CDK14: variants seen among roughly 807,000 people sequenced by gnomAD.
CDK14 encodes the protein cyclin dependent kinase 14.
In CDK14, 34 loss-of-function variants were observed where a neutral mutation model predicts 60.7. The observed-to-expected ratio is 0.56, with a 90% CI of 0.43 to 0.75. The LOEUF is 0.75. Ranked by LOEUF, CDK14 falls within the 30% of genes least tolerant of loss-of-function variation. The probability of loss-of-function intolerance (pLI) is 0.00; values close to 1 mark genes in which losing one functional copy is unlikely to be tolerated. For synonymous variants in CDK14, 197 were observed against 203.7 expected (o/e 0.97, Z 0.28); for missense variants, 482 against 564.1 (o/e 0.85, Z 1.47).
chr7:90,858,635 T>C (rs569847902), intron 5 of CDK14, among the ~76,000 whole-genome samples: 1 of 152,294 alleles, frequency 6.6e-6, no homozygotes, highest in South Asian at 2.1e-4. Context: ...ATTCATTTGA[T>C]CTGAAAAGTT....
intron 5 of CDK14, among the ~76,000 whole-genome samples, chr7:90,823,084 A>G (rs534804288): frequency 1.1e-3 from 174 of 152,306 alleles, no homozygotes; most frequent in African/African-American, 3.9e-3. Context: ...AAATAGAGGA[A>G]TCATAAAGTT....
chr7:91,101,001 G>A (rs573573077), intron 12 of CDK14, among the ~76,000 whole-genome samples: 5 of 150,950 alleles, frequency 3.3e-5, no homozygotes, highest in Admixed American at 6.6e-5. Context: ...GTGTAGATTC[G>A]TATGATTATT....
chr7:91,110,529 G>C (rs1013409462), intron 12 of CDK14, among the ~76,000 whole-genome samples: 3 of 152,114 alleles, frequency 2.0e-5, no homozygotes, highest in Admixed American at 2.0e-4. Context: ...AGAAAACCAA[G>C]ATCAAAAATA....
chr7:91,070,413 G>A (rs1458737363), intron 11 of CDK14, among the ~76,000 whole-genome samples: 4 of 152,168 alleles, frequency 2.6e-5, no homozygotes, highest in Non-Finnish European at 5.9e-5. Flanking sequence ...AGCATGAGAA[G>A]AATCCTTAGC....
At chr7:90,809,467 A>T (rs557952234) in intron 5 of CDK14, among the ~76,000 whole-genome samples, 2 of 152,152 alleles carry the variant, frequency 1.3e-5, no homozygotes, top group Admixed American at 6.5e-5. Flanking sequence ...GACACATTCA[A>T]AGCAGTGTGT....
chr7:90,923,311 G>A (rs187167846), intron 8 of CDK14, among the ~76,000 whole-genome samples: 69 of 151,996 alleles, frequency 4.5e-4, no homozygotes, highest in African/African-American at 1.4e-3. Flanking sequence ...GGGTTTCACC[G>A]TGTTAGCCAG....
intron 4 of CDK14, among the ~76,000 whole-genome samples, chr7:90,768,175 G>A (rs1804643007): frequency 6.6e-6 from 1 of 152,214 alleles, no homozygotes; most frequent in Non-Finnish European, 1.5e-5. Flanking sequence ...GAGAACCACT[G>A]TATTTAAGGT....
intron 8 of CDK14, among the ~76,000 whole-genome samples, chr7:90,946,777 GAAAACAA>G (rs922169538): frequency 2.4e-4 from 37 of 152,062 alleles, no homozygotes; most frequent in East Asian, 9.6e-4. Context: ...TGAGGTTTCT[GAAAACAA>G]AAAACAAAAA....
At chr7:90,919,561 C>T (rs1181645495) in intron 8 of CDK14, among the ~76,000 whole-genome samples, 3 of 152,026 alleles carry the variant, frequency 2.0e-5, no homozygotes, top group Admixed American at 6.6e-5. Flanking sequence ...ACATTTTTCT[C>T]GTTTGTTTTC....
chr7:90,645,192 AG>A (rs1349983719), intron 2 of CDK14, among the ~76,000 whole-genome samples: 6 of 152,194 alleles, frequency 3.9e-5, no homozygotes, highest in African/African-American at 9.6e-5. Context: ...ACATTATTGT[AG>A]TTGGAAGGTT....
At chr7:90,951,706 CT>C (rs1382472701) in intron 8 of CDK14, among the ~76,000 whole-genome samples, 1 of 152,176 alleles carries the variant, frequency 6.6e-6, no homozygotes, top group Non-Finnish European at 1.5e-5. Context: ...CTGTGTACAG[CT>C]AAAAGAAAAG....
At chr7:90,889,796 G>A (rs1792058304) in intron 6 of CDK14, among the ~76,000 whole-genome samples, 1 of 152,120 alleles carries the variant, frequency 6.6e-6, no homozygotes, top group Admixed American at 6.6e-5. Flanking sequence ...CAGGAACAGT[G>A]GAATACTTGA....
intron 10 of CDK14, among the ~76,000 whole-genome samples, chr7:91,007,876 T>G (rs535381602): frequency 6.6e-6 from 1 of 152,180 alleles, no homozygotes; most frequent in Non-Finnish European, 1.5e-5. Flanking sequence ...CTTTATGTGC[T>G]TGAAATCTTT....
chr7:90,625,188 A>C (rs1014031464), intron 2 of CDK14, among the ~76,000 whole-genome samples: 2 of 152,100 alleles, frequency 1.3e-5, no homozygotes, highest in African/African-American at 4.8e-5. Flanking sequence ...AATAAAAAAA[A>C]ACCTGGCCAG....
intron 6 of CDK14, among the ~76,000 whole-genome samples, chr7:90,887,674 C>T (rs554697782): frequency 1.4e-4 from 21 of 152,166 alleles, no homozygotes; most frequent in Non-Finnish European, 2.9e-4. Flanking sequence ...AAGAGTTCCT[C>T]TGTATTTTGC....
At chr7:91,109,747 G>A (rs375731146) in intron 12 of CDK14, among the ~76,000 whole-genome samples, 2 of 151,942 alleles carry the variant, frequency 1.3e-5, no homozygotes, top group East Asian at 3.9e-4. Context: ...TTAAAAATAA[G>A]CAGGTAACAA....
chr7:91,161,971 G>A (rs886723836), intron 14 of CDK14, among the ~76,000 whole-genome samples: 7 of 151,926 alleles, frequency 4.6e-5, no homozygotes, highest in African/African-American at 1.7e-4. Context: ...AAACCTACAC[G>A]GAAGTCGAGA....
intron 6 of CDK14, among the ~76,000 whole-genome samples, chr7:90,879,293 C>G (rs1278436166): frequency 6.6e-6 from 1 of 152,002 alleles, no homozygotes. Flanking sequence ...GTTTTTTTAA[C>G]CTTTTATACC....
At chr7:90,858,020 A>G (rs1196132621) in intron 5 of CDK14, among the ~76,000 whole-genome samples, 2 of 152,220 alleles carry the variant, frequency 1.3e-5, no homozygotes, top group Non-Finnish European at 2.9e-5. Flanking sequence ...GCTTGTTTCA[A>G]ATTCAGATGT....
Sources: allele counts gnomAD v4.1 joint callset (sites outside exome capture counted in the v4.1 genomes callset), GRCh38; gene constraint gnomAD v4.1.1; transcripts MANE v1.5; gene names NCBI Gene and HGNC (gene_info 2026-07-23, HGNC 2026-07-21).